The following NRG1 variants were observed in gnomAD, a reference collection of about 807,000 sequenced individuals.
The protein encoded by NRG1 is neuregulin 1, also known as pro-neuregulin-1, membrane-bound isoform.
A neutral mutation model predicts 63.8 loss-of-function variants in NRG1; 18 were observed. The observed-to-expected ratio is 0.28, with a 90% CI of 0.19 to 0.42. The LOEUF is 0.42. Among genes scored for constraint, NRG1 ranks in the 10% least tolerant of loss-of-function variants. The pLI is 1.00. For synonymous variants in NRG1, 302 were observed against 301.3 expected (o/e 1.00, Z -0.02); for missense variants, 762 against 814.7 (o/e 0.94, Z 0.79).
rs36074483 is a variant in NRG1, at chr8:31,648,124, C to CTTTTTTTTTTT, written c.37+8710_37+8720dup. Among the ~76,000 whole-genome samples the CTTTTTTTTTTT allele has an allele frequency of 2.2e-3, 114 of 51,310 alleles. 25 individuals carry two copies. Among genetic ancestry groups the CTTTTTTTTTTT allele is most frequent in the African/African-American group, 0.01 (111 of 10,812 alleles). The allele number at this position is 51,310 out of a possible 152,430, so 33.7% of individuals were successfully genotyped here. ...TTCTGTCTTTACAAATTTGACTACT[C>CTTTTTTTTTTT]TTTTTTTTTTTTTTTTTTTTTTTTT... On this transcript the variant is annotated intron_variant, in intron 1 of 10. Coordinates refer to the NRG1 transcript ENST00000519301.
intron 10 of NRG1, 98 bp downstream of exon 10, chr8:32,759,534 A>T: frequency 7.0e-7 from 1 of 1,435,934 alleles, no homozygotes; most frequent in Non-Finnish European, 9.5e-7. Flanking sequence ...AGTGAAATGG[A>T]TGGTCTTTGG....
intron 1 of NRG1, among the ~76,000 whole-genome samples, chr8:32,073,356 A>G (rs1430377580): frequency 6.6e-6 from 1 of 152,140 alleles, no homozygotes; most frequent in African/African-American, 2.4e-5. Context: ...GCCAACATAT[A>G]CTGAGGATTA....
chr8:31,681,119 A>G (rs1401246951), intron 1 of NRG1, among the ~76,000 whole-genome samples: 1 of 152,112 alleles, frequency 6.6e-6, no homozygotes, highest in Non-Finnish European at 1.5e-5. Context: ...AACTAAGTGG[A>G]GAAAAAAAAT....
intron 1 of NRG1, among the ~76,000 whole-genome samples, chr8:31,662,852 G>A (rs901846603): frequency 2.0e-5 from 3 of 152,112 alleles, no homozygotes; most frequent in Admixed American, 1.3e-4. Flanking sequence ...GTAAATAGGG[G>A]AATTTTTTGG....
At chr8:32,695,057 T>C (rs184160792) in intron 5 of NRG1, among the ~76,000 whole-genome samples, 7 of 152,228 alleles carry the variant, frequency 4.6e-5, no homozygotes, top group Admixed American at 3.9e-4. Context: ...AGTTGTGAAC[T>C]CGAAAATTAC....
At chr8:32,166,350 A>G (rs1478519815) in intron 1 of NRG1, among the ~76,000 whole-genome samples, 1 of 152,138 alleles carries the variant, frequency 6.6e-6, no homozygotes, top group Non-Finnish European at 1.5e-5. Context: ...ATATTTACAT[A>G]TCTCCAGCTT....
intron 1 of NRG1, among the ~76,000 whole-genome samples, chr8:32,132,247 T>A (rs1834925129): frequency 6.6e-6 from 1 of 152,068 alleles, no homozygotes; most frequent in Admixed American, 6.6e-5. Flanking sequence ...GACTTCTTCC[T>A]GAAGGAGAAA....
intron 1 of NRG1, among the ~76,000 whole-genome samples, chr8:32,074,119 G>T (rs1826152538): frequency 6.6e-6 from 1 of 152,056 alleles, no homozygotes; most frequent in Non-Finnish European, 1.5e-5. Context: ...TTTTCAAGAG[G>T]TACTATACTA....
chr8:32,394,123 C>A (rs376272625), intron 1 of NRG1, among the ~76,000 whole-genome samples: 3 of 152,276 alleles, frequency 2.0e-5, no homozygotes, highest in African/African-American at 7.2e-5. Flanking sequence ...ACACAGTGAG[C>A]ACTTAATAGC....
rs558203674 is a variant in NRG1, at chr8:31,896,017, G to A, written c.37+256586G>A. On this transcript the variant is annotated intron_variant, in intron 1 of 10. Coordinates refer to the NRG1 transcript ENST00000519301. Reference sequence around the variant, plus strand: ...CTTTCATTTAGTTTTCACAACTCTTGGAACGTGTTTTTGCCCATTTTCTGC... The same window carrying A: ...CTTTCATTTAGTTTTCACAACTCTTAGAACGTGTTTTTGCCCATTTTCTGC... Among the ~76,000 whole-genome samples, 16 of 152,112 alleles carry A rather than the reference G, an allele frequency of 1.1e-4. No individual in the cohort carries two copies. The South Asian group carries it at 2.5e-3, about 24-fold the overall frequency.
chr8:31,967,087 C>A (rs532977393), intron 1 of NRG1, among the ~76,000 whole-genome samples: 10 of 152,122 alleles, frequency 6.6e-5, no homozygotes, highest in Admixed American at 3.9e-4. Flanking sequence ...TAAAGAGGAG[C>A]CCTGGGAGTG....
chr8:32,134,372 G>A (rs1034691133), intron 1 of NRG1, among the ~76,000 whole-genome samples: 10 of 151,980 alleles, frequency 6.6e-5, no homozygotes, highest in African/African-American at 2.4e-4. Context: ...GAAGTAGTTC[G>A]TCTTCAAAAT....
intron 5 of NRG1, among the ~76,000 whole-genome samples, chr8:32,629,763 CT>C (rs781716608): frequency 6.6e-6 from 1 of 151,800 alleles, no homozygotes; most frequent in Non-Finnish European, 1.5e-5. Flanking sequence ...TCAGTTTCTC[CT>C]TTGATAGGAT....
chr8:31,792,225 C>A (rs950148005), intron 1 of NRG1, among the ~76,000 whole-genome samples: 1 of 152,152 alleles, frequency 6.6e-6, no homozygotes, highest in East Asian at 1.9e-4. Context: ...TATATTAATA[C>A]ACAGAACTTT....
chr8:31,708,639 G>T (rs1045537204), intron 1 of NRG1, among the ~76,000 whole-genome samples: 10 of 151,588 alleles, frequency 6.6e-5, no homozygotes, highest in Non-Finnish European at 7.4e-5. Context: ...TAGAGACGGG[G>T]TTTCACCGTT....
At chr8:32,735,771 G>A (rs1824878709) in intron 6 of NRG1, among the ~76,000 whole-genome samples, 1 of 152,202 alleles carries the variant, frequency 6.6e-6, no homozygotes, top group South Asian at 2.1e-4. Context: ...AGAGCAAGCT[G>A]TGCAAACAGA....
At chr8:32,338,437 C>T (rs1803614228) in intron 1 of NRG1, among the ~76,000 whole-genome samples, 1 of 152,110 alleles carries the variant, frequency 6.6e-6, no homozygotes, top group South Asian at 2.1e-4. Context: ...TAATATTCTA[C>T]AGTTACAAAA....
intron 1 of NRG1, among the ~76,000 whole-genome samples, chr8:31,827,195 T>A (rs1824654067): frequency 2.0e-5 from 3 of 152,224 alleles, no homozygotes; most frequent in Admixed American, 6.5e-5. Flanking sequence ...AAAGCACCAC[T>A]GTACAGCAGA....
intron 1 of NRG1, among the ~76,000 whole-genome samples, chr8:32,396,922 A>G (rs1403469874): frequency 6.6e-6 from 1 of 152,194 alleles, no homozygotes; most frequent in African/African-American, 2.4e-5. Context: ...CTTCAAGGAA[A>G]TCTATATTTT....
Sources: allele counts gnomAD v4.1 joint callset (sites outside exome capture counted in the v4.1 genomes callset), GRCh38; gene constraint gnomAD v4.1.1; transcripts MANE v1.5; gene names NCBI Gene and HGNC (gene_info 2026-07-23, HGNC 2026-07-21).